The following DRC11 variants were observed in gnomAD, a reference collection of about 807,000 sequenced individuals.
DRC11 encodes IQ and AAA domain-containing protein 1.
chr2:236,337,149 C>T, the DRC11 span, among the ~76,000 whole-genome samples: 30,213 of 151,932 alleles, frequency 0.2, 3,109 homozygotes, highest in African/African-American at 0.26. The surrounding 1 kb of genome is among the most constrained non-coding windows in gnomAD (Gnocchi z 4.9). Context: ...AGTCTCCAGA[C>T]GAAGGAGACT....
the DRC11 span, among the ~76,000 whole-genome samples, chr2:236,418,767 T>C: frequency 3.9e-5 from 6 of 152,268 alleles, no homozygotes; most frequent in East Asian, 1.2e-3. Flanking sequence ...GTTAAATTAG[T>C]ATGATTATTT....
chr2:236,442,000 C>T, the DRC11 span, among the ~76,000 whole-genome samples: 2 of 152,040 alleles, frequency 1.3e-5, no homozygotes, highest in African/African-American at 4.8e-5. Context: ...CTTTGGAAGG[C>T]TGAGGTGGGA....
chr2:236,440,151 T>C, the DRC11 span, among the ~76,000 whole-genome samples: 3 of 152,244 alleles, frequency 2.0e-5, no homozygotes, highest in African/African-American at 7.2e-5. Flanking sequence ...TGATACAAGC[T>C]TGTAAATGGT....
the DRC11 span, chr2:236,441,131 G>A: frequency 6.5e-7 from 1 of 1,536,822 alleles, no homozygotes; most frequent in Non-Finnish European, 8.8e-7. Context: ...ATTTCTGCAG[G>A]AAAAAAAATA....
the DRC11 span, among the ~76,000 whole-genome samples, chr2:236,365,254 G>A: frequency 2.4e-4 from 36 of 152,136 alleles, no homozygotes; most frequent in Non-Finnish European, 4.0e-4. This position sits in a 1 kb window ranked among gnomAD's most constrained non-coding sequence, Gnocchi z 7.4. Flanking sequence ...TAATGAGAAC[G>A]GGAGGCAAGC....
the DRC11 span, among the ~76,000 whole-genome samples, chr2:236,335,984 C>G: frequency 1.3e-5 from 2 of 152,250 alleles, no homozygotes; most frequent in East Asian, 3.9e-4. This position sits in a 1 kb window ranked among gnomAD's most constrained non-coding sequence, Gnocchi z 5.6. Flanking sequence ...TCTTCTGGGT[C>G]TAGTCCTTAA....
the DRC11 span, among the ~76,000 whole-genome samples, chr2:236,503,342 C>G: frequency 1.3e-5 from 2 of 152,214 alleles, no homozygotes; most frequent in African/African-American, 4.8e-5. The surrounding 1 kb of genome is among the most constrained non-coding windows in gnomAD (Gnocchi z 4.9). Flanking sequence ...TCTAGACCTG[C>G]TGTGGGCAGA....
At chr2:236,507,028 T>C in the DRC11 span, among the ~76,000 whole-genome samples, 1 of 151,790 alleles carries the variant, frequency 6.6e-6, no homozygotes, top group Non-Finnish European at 1.5e-5. Flanking sequence ...GTGGGACGCG[T>C]AGGGGAGGGG....
At chr2:236,384,470 G>A in the DRC11 span, among the ~76,000 whole-genome samples, 1 of 152,208 alleles carries the variant, frequency 6.6e-6, no homozygotes, top group African/African-American at 2.4e-5. Flanking sequence ...CTTCTTTTGA[G>A]AAGTGTCTGT....
At chr2:236,503,703 C>T in the DRC11 span, 586 of 1,550,558 alleles carry the variant, frequency 3.8e-4, no homozygotes, top group Middle Eastern at 1.8e-3. The surrounding 1 kb of genome is among the most constrained non-coding windows in gnomAD (Gnocchi z 4.9). Flanking sequence ...CTGTCTCTGG[C>T]TTCCTGCTCC....
chr2:236,317,326 T>C, the DRC11 span, among the ~76,000 whole-genome samples: 1 of 151,526 alleles, frequency 6.6e-6, no homozygotes, highest in Non-Finnish European at 1.5e-5. The surrounding 1 kb of genome is among the most constrained non-coding windows in gnomAD (Gnocchi z 5.4). Context: ...AGGCTCTCAT[T>C]AACAGTAAAA....
At chr2:236,463,095 T>C in the DRC11 span, among the ~76,000 whole-genome samples, 2 of 152,198 alleles carry the variant, frequency 1.3e-5, no homozygotes, top group Non-Finnish European at 2.9e-5. The surrounding 1 kb of genome is among the most constrained non-coding windows in gnomAD (Gnocchi z 5.0). Flanking sequence ...TATGGTATTT[T>C]AAAGAACGAA....
At chr2:236,307,649 G>C in the DRC11 span, among the ~76,000 whole-genome samples, 17 of 152,282 alleles carry the variant, frequency 1.1e-4, no homozygotes, top group African/African-American at 3.8e-4. The surrounding 1 kb of genome is among the most constrained non-coding windows in gnomAD (Gnocchi z 7.0). Context: ...GATCATCTAA[G>C]GCAGGGGGTG....
chr2:236,433,386 C>T, the DRC11 span, among the ~76,000 whole-genome samples: 41 of 152,190 alleles, frequency 2.7e-4, no homozygotes, highest in Non-Finnish European at 5.3e-4. Flanking sequence ...TTCCTACCTA[C>T]GAGCATGATA....
the DRC11 span, among the ~76,000 whole-genome samples, chr2:236,352,391 C>T: frequency 1.3e-4 from 20 of 151,946 alleles, no homozygotes; most frequent in East Asian, 1.9e-4. The surrounding 1 kb of genome is among the most constrained non-coding windows in gnomAD (Gnocchi z 7.0). Context: ...CTGGGGATAG[C>T]GTGGGCTAGG....
chr2:236,447,659 G>A, the DRC11 span, among the ~76,000 whole-genome samples: 1 of 152,194 alleles, frequency 6.6e-6, no homozygotes, highest in Non-Finnish European at 1.5e-5. The surrounding 1 kb of genome is among the most constrained non-coding windows in gnomAD (Gnocchi z 4.6). Context: ...GTGTTCCTGG[G>A]TGACCTTTGC....
the DRC11 span, among the ~76,000 whole-genome samples, chr2:236,398,992 A>AT: frequency 0.014 from 2,056 of 144,372 alleles, 45 homozygotes; most frequent in African/African-American, 0.043. The surrounding 1 kb of genome is among the most constrained non-coding windows in gnomAD (Gnocchi z 6.2). Context: ...ACCAAAAGGA[A>AT]TTTTTTTTTT....
At chr2:236,352,376 A>G in the DRC11 span, among the ~76,000 whole-genome samples, 2 of 152,058 alleles carry the variant, frequency 1.3e-5, no homozygotes, top group Non-Finnish European at 2.9e-5. The surrounding 1 kb of genome is among the most constrained non-coding windows in gnomAD (Gnocchi z 7.0). Flanking sequence ...GTGCCCAGGA[A>G]ATGTCTGGGG....
At chr2:236,368,851 T>C in the DRC11 span, 1 of 152,658 alleles carries the variant, frequency 6.6e-6, no homozygotes, top group South Asian at 2.1e-4. Context: ...CATTTACATT[T>C]TTATCATTTT....
Sources: gnomAD v4.1 joint callset for allele counts (sites outside exome capture counted in the v4.1 genomes callset) on GRCh38, gnomAD v4.1.1 for gene constraint, Gnocchi (gnomAD v3.1) non-coding constraint, MANE v1.5 for transcripts, NCBI Gene and HGNC (gene_info 2026-07-23, HGNC 2026-07-21) for gene names.